The following CADPS variants were observed in gnomAD, a reference collection of about 807,000 sequenced individuals.
The protein encoded by CADPS is calcium-dependent secretion activator 1.
In CADPS, 57 loss-of-function variants were observed where a neutral mutation model predicts 167.3. That is an observed-to-expected ratio of 0.34 (90% confidence interval 0.28 to 0.42). CADPS has a LOEUF of 0.42. Among genes scored for constraint, CADPS ranks in the 20% least tolerant of loss-of-function variants. The probability of loss-of-function intolerance (pLI) is 1.00; values close to 1 mark genes in which losing one functional copy is unlikely to be tolerated. For missense variants in CADPS, 1,414 were observed against 1,738.1 expected (o/e 0.81, Z 3.32); for synonymous variants, 676 against 635.3 (o/e 1.06, Z -0.96).
chr3:62,404,072 G>C (rs1186417052), intron 28 of CADPS: 1 of 129,728 alleles, frequency 7.7e-6, no homozygotes, highest in Non-Finnish European at 1.8e-5. Context: ...GTGTTATGAA[G>C]TGTCAGTATA....
intron 7 of CADPS, among the ~76,000 whole-genome samples, chr3:62,585,984 G>C (rs148741386): frequency 2.6e-5 from 4 of 152,312 alleles, no homozygotes; most frequent in Non-Finnish European, 5.9e-5. Context: ...TTCAGAGATG[G>C]CAGTTTGATT....
intron 1 of CADPS, among the ~76,000 whole-genome samples, chr3:62,827,666 A>C (rs2074312080): frequency 6.6e-6 from 1 of 152,178 alleles, no homozygotes. Flanking sequence ...ATATACAATC[A>C]CATACACTGA....
intron 3 of CADPS, among the ~76,000 whole-genome samples, chr3:62,722,170 T>C (rs1035556375): frequency 2.6e-5 from 4 of 152,224 alleles, no homozygotes; most frequent in African/African-American, 9.6e-5. Flanking sequence ...ACTTAGGTTG[T>C]CTGGCTCTAG....
intron 7 of CADPS, among the ~76,000 whole-genome samples, chr3:62,587,070 G>A (rs2084803821): frequency 6.6e-6 from 1 of 152,154 alleles, no homozygotes; most frequent in South Asian, 2.1e-4. Context: ...CATTGGCATT[G>A]TTTTTATCTC....
chr3:62,628,783 C>T (rs2064658683), intron 6 of CADPS, among the ~76,000 whole-genome samples: 1 of 152,090 alleles, frequency 6.6e-6, no homozygotes, highest in Admixed American at 6.6e-5. Flanking sequence ...CCCGCCACTA[C>T]ACCTGGCCAA....
At chr3:62,794,778 TAAA>T (rs71126555) in intron 1 of CADPS, among the ~76,000 whole-genome samples, 32,013 of 99,504 alleles carry the variant, frequency 0.32, 5,139 homozygotes, top group East Asian at 0.5. Context: ...CGCAAGGTGG[TAAA>T]AAAAAAAAAA....
chr3:62,728,239 G>A (rs2077111356), intron 3 of CADPS, among the ~76,000 whole-genome samples: 1 of 151,790 alleles, frequency 6.6e-6, no homozygotes, highest in South Asian at 2.1e-4. Flanking sequence ...AAAAGGGTCT[G>A]TTTGCAAAGT....
chr3:62,570,700 T>C (rs2081125499), intron 9 of CADPS, among the ~76,000 whole-genome samples, 172 bp downstream of exon 9: 3 of 152,320 alleles, frequency 2.0e-5, no homozygotes, highest in African/African-American at 7.2e-5. Flanking sequence ...CTTTGGGTAT[T>C]GGAAATGTTC....
At chr3:62,691,553 G>A (rs981876563) in intron 3 of CADPS, among the ~76,000 whole-genome samples, 2 of 151,994 alleles carry the variant, frequency 1.3e-5, no homozygotes, top group African/African-American at 4.8e-5. Context: ...TTCCTTTCCT[G>A]GAGGTTCCTG....
In CADPS at chr3:62,544,624, C is replaced by G. The variant is rs1471153100; in HGVS notation, c.1966+5279G>C. 6.6e-6 allele frequency among the ~76,000 whole-genome samples: 1 copy of G among 152,022 alleles called. No homozygotes were observed. Among genetic ancestry groups the G allele is most frequent in the Non-Finnish European group, 1.5e-5 (1 of 67,992 alleles). ...GCTTTACTCAGAGGATCATTTGATG[C>G]CAATATGAAAGCCAAGGAGAGGAGG... is the stretch of plus-strand genomic sequence containing the variant. On this transcript the variant is annotated intron_variant, in intron 11 of 29. Transcript: ENST00000383710. This position sits in a 1 kb window ranked among gnomAD's most constrained non-coding sequence, Gnocchi z 4.4.
chr3:62,817,349 G>C (rs1455795193), intron 1 of CADPS, among the ~76,000 whole-genome samples: 1 of 152,136 alleles, frequency 6.6e-6, no homozygotes, highest in Non-Finnish European at 1.5e-5. Flanking sequence ...CTGAGGAAGA[G>C]GGAAGGGTCT....
chr3:62,863,671 A>C (rs2081206964), intron 1 of CADPS, among the ~76,000 whole-genome samples: 1 of 152,216 alleles, frequency 6.6e-6, no homozygotes, highest in Non-Finnish European at 1.5e-5. Context: ...ACGCCATGGA[A>C]GTAAGTTTCG....
chr3:62,809,997 C>G (rs574988359), intron 1 of CADPS, among the ~76,000 whole-genome samples: 9 of 152,286 alleles, frequency 5.9e-5, no homozygotes, highest in African/African-American at 2.2e-4. Flanking sequence ...GGATTATTTT[C>G]AAGTGGTCCA....
At chr3:62,817,514 T>C (rs943203303) in intron 1 of CADPS, among the ~76,000 whole-genome samples, 1 of 152,174 alleles carries the variant, frequency 6.6e-6, no homozygotes, top group African/African-American at 2.4e-5. Context: ...GTAGAAACTT[T>C]TTGATTCTTT....
chr3:62,577,903 G>A (rs753843863), intron 8 of CADPS, among the ~76,000 whole-genome samples: 2 of 152,146 alleles, frequency 1.3e-5, no homozygotes, highest in Non-Finnish European at 2.9e-5. Context: ...AAGATATTCA[G>A]CTAATTCCAA....
intron 3 of CADPS, among the ~76,000 whole-genome samples, chr3:62,752,563 AT>A (rs2082934193): frequency 6.6e-6 from 1 of 152,194 alleles, no homozygotes; most frequent in Non-Finnish European, 1.5e-5. Flanking sequence ...CTGTGCCAAG[AT>A]TTTATATACT....
intron 1 of CADPS, among the ~76,000 whole-genome samples, chr3:62,801,891 A>G (rs2093788615): frequency 6.6e-6 from 1 of 152,192 alleles, no homozygotes; most frequent in Non-Finnish European, 1.5e-5. Context: ...GAGCCTGTCT[A>G]GATTTTCCTG....
intron 17 of CADPS, among the ~76,000 whole-genome samples, chr3:62,504,098 C>A (rs1323980009): frequency 1.3e-5 from 2 of 152,068 alleles, no homozygotes; most frequent in Non-Finnish European, 2.9e-5. Flanking sequence ...TGGCAAAAAT[C>A]ATCTATTAAA....
In CADPS at chr3:62,491,558, A is replaced by AACACACACACACAC. The variant is rs35911391; in HGVS notation, c.2885-92_2885-79dup. 1.0e-4 allele frequency: 55 copies of AACACACACACACAC among 526,812 alleles called. 1 individual carries two copies. The highest frequency in any genetic ancestry group is 5.9e-4 in the Admixed American group (18 of 30,582). 32.6% of individuals were successfully genotyped at this position (526,812 alleles called of 1,614,324 possible). A position where few individuals can be genotyped will look rare whatever the true frequency, so the allele number is the denominator to read the frequency against. ...TACAACACACACACACACACACACAAACACACACACACACACACACACACA... is the reference window on the plus strand; with the variant it reads ...TACAACACACACACACACACACACAAACACACACACACACACACACACACACACACACACACACA... On this transcript the variant is annotated intron_variant, in intron 20 of 29. Transcript: ENST00000383710.
Sources: gnomAD v4.1 joint callset for allele counts (sites outside exome capture counted in the v4.1 genomes callset) on GRCh38, gnomAD v4.1.1 for gene constraint, Gnocchi (gnomAD v3.1) non-coding constraint, MANE v1.5 for transcripts, NCBI Gene and HGNC (gene_info 2026-07-23, HGNC 2026-07-21) for gene names.